Variants in RNF144B observed in about 807,000 individuals in gnomAD.
The protein encoded by RNF144B is ring finger protein 144B, also known as E3 ubiquitin-protein ligase RNF144B.
RNF144B carries 25 observed loss-of-function variants against 40.2 expected under a neutral mutation model. That is an observed-to-expected ratio of 0.62 (90% CI 0.45 to 0.87). The LOEUF (loss-of-function observed/expected upper bound fraction) is 0.87. Ranked by LOEUF, RNF144B falls within the 40% of genes least tolerant of loss-of-function variation. The pLI, the probability that RNF144B is intolerant of heterozygous loss-of-function variation, is 0.00. For missense variants in RNF144B, 365 were observed against 373.7 expected (o/e 0.98, Z 0.19); for synonymous variants, 145 against 136.3 (o/e 1.06, Z -0.44).
Position 18,457,033 on chromosome 6 carries a change from C to G in RNF144B, c.332-122C>G. ...CTGAAATCATGCCACTGTACTCCAGCCTGGGCGACAGAGTGAGACTCTGGT... is the reference window on the plus strand; with the variant it reads ...CTGAAATCATGCCACTGTACTCCAGGCTGGGCGACAGAGTGAGACTCTGGT... On this transcript the variant is annotated intron_variant, in intron 4 of 7. Coordinates refer to ENST00000259939, the MANE Select transcript of RNF144B (RefSeq NM_182757.4). The surrounding 1 kb of genome is among the most constrained non-coding windows in gnomAD (Gnocchi z 5.1). 2.4e-6 allele frequency: 2 copies of G among 837,038 alleles called. No homozygotes were observed. Among genetic ancestry groups the G allele is most frequent in the Non-Finnish European group, 4.1e-6 (2 of 491,438 alleles). 51.9% of individuals were successfully genotyped at this position (837,038 alleles called of 1,614,324 possible). A position where few individuals can be genotyped will look rare whatever the true frequency, so the allele number is the denominator to read the frequency against.
chr6:18,451,196 A>T, intron 4 of RNF144B, among the ~76,000 whole-genome samples: 1 of 152,148 alleles, frequency 6.6e-6, no homozygotes, highest in Non-Finnish European at 1.5e-5. Flanking sequence ...CATTTTAAAC[A>T]TCTATTTCCT....
rs140102762 is a variant in RNF144B, at chr6:18,445,982, GCACTC to G, written c.331+6243_331+6247del. ...AAAAAATATCCTGTGACTCCTGTGG[GCACTC>G]CACTTTGTCTCAAATTCCTTATAGG... On this transcript the variant is annotated intron_variant, in intron 4 of 7. Transcript: ENST00000259939. Among the ~76,000 whole-genome samples, 413 of 152,298 alleles carry G rather than the reference GCACTC, an allele frequency of 2.7e-3. 3 individuals carry two copies. The highest frequency in any genetic ancestry group is 9.5e-3 in the African/African-American group (393 of 41,568).
In RNF144B at chr6:18,443,859, G is replaced by A. The variant is rs1253781340; in HGVS notation, c.331+4115G>A. Among the ~76,000 whole-genome samples, 1 of 152,146 alleles carries A rather than the reference G, an allele frequency of 6.6e-6. No individual in the cohort carries two copies. The highest frequency in any genetic ancestry group is 1.5e-5 in the Non-Finnish European group (1 of 68,038). On this transcript the variant is annotated intron_variant, in intron 4 of 7. Transcript: ENST00000259939. The surrounding 1 kb of genome is among the most constrained non-coding windows in gnomAD (Gnocchi z 4.7). ...ACCATTTATAAGGGGACTTTGGGGT[G>A]CATTAAATACCCACTAATACTGTAA...
rs1333875020 is a variant in RNF144B, at chr6:18,406,697, C to A, written c.165+6998C>A. Among the ~76,000 whole-genome samples the A allele has an allele frequency of 6.6e-6, 1 of 152,098 alleles. No individual in the cohort carries two copies. The highest frequency in any genetic ancestry group is 1.5e-5 in the Non-Finnish European group (1 of 68,012). The stretch of plus-strand genomic sequence containing the variant: ...AGGCAGTCAGGCAGGGAGACGAATT[C>A]TTTCCTCCTTTTGTTCTTTTTAGGC... On this transcript the variant is annotated intron_variant, in intron 2 of 7. Coordinates refer to ENST00000259939, the MANE Select transcript of RNF144B (RefSeq NM_182757.4). This position sits in a 1 kb window ranked among gnomAD's most constrained non-coding sequence, Gnocchi z 4.2.
intron 1 of RNF144B, 39 bp downstream of exon 1, chr6:18,387,669 A>T: frequency 7.8e-7 from 1 of 1,285,974 alleles, no homozygotes; most frequent in Admixed American, 2.3e-5. Context: ...CAGGCGTTGC[A>T]AGACCGGAAT....
At position 18,458,041 on chromosome 6, in the gene RNF144B, G is replaced by A. The variant is rs1388754113; in HGVS notation, c.536+682G>A. Among the ~76,000 whole-genome samples, 2 of 151,954 alleles carry A rather than the reference G, an allele frequency of 1.3e-5. No individual in the cohort carries two copies. The highest frequency in any genetic ancestry group is 2.1e-4 in the South Asian group (1 of 4,820). On this transcript the variant is annotated intron_variant, in intron 5 of 7. Transcript: ENST00000259939. This position sits in a 1 kb window ranked among gnomAD's most constrained non-coding sequence, Gnocchi z 4.8. ...CAACCACTGCCTCCTGGGTTCAAGC[G>A]ATTCTCCTGCCTCAGCCTCCCGATT...
intron 4 of RNF144B, among the ~76,000 whole-genome samples, chr6:18,451,640 T>C (rs1330303623): frequency 6.6e-6 from 1 of 152,202 alleles, no homozygotes; most frequent in Non-Finnish European, 1.5e-5. Flanking sequence ...GGGATGTCAC[T>C]TGTAATTTTT....
At chr6:18,415,730 T>A (rs1795137095) in intron 2 of RNF144B, among the ~76,000 whole-genome samples, 3 of 152,160 alleles carry the variant, frequency 2.0e-5, no homozygotes, top group Non-Finnish European at 2.9e-5. Context: ...GGAATGTGAG[T>A]ACTCAATGTG....
Position 18,456,610 on chromosome 6 carries a change from A to C in RNF144B, c.332-545A>C, listed in dbSNP as rs142888294. Among the ~76,000 whole-genome samples, 1 of 152,230 alleles carries C rather than the reference A, an allele frequency of 6.6e-6. No individual in the cohort carries two copies. The highest frequency in any genetic ancestry group is 1.5e-5 in the Non-Finnish European group (1 of 68,038). On this transcript the variant is annotated intron_variant, in intron 4 of 7. Transcript: ENST00000259939. The surrounding 1 kb of genome is among the most constrained non-coding windows in gnomAD (Gnocchi z 4.7). ...TACAGAGAACACTTTTTATCTGTTC[A>C]TAAAGGCAATGGTAAGCTATTCTGT...
intron 4 of RNF144B, among the ~76,000 whole-genome samples, chr6:18,452,431 T>TC (rs1759229289): frequency 6.6e-6 from 1 of 152,176 alleles, no homozygotes; most frequent in African/African-American, 2.4e-5. Flanking sequence ...AGGGAATTTT[T>TC]AGGGGAGAGG....
In RNF144B at chr6:18,434,291, C is replaced by A. The variant is rs758283768; in HGVS notation, c.271-5393C>A. On this transcript the variant is annotated intron_variant, in intron 3 of 7. Coordinates refer to ENST00000259939, the MANE Select transcript of RNF144B (RefSeq NM_182757.4). The surrounding 1 kb of genome is among the most constrained non-coding windows in gnomAD (Gnocchi z 4.1). ...TAACACTTCATATGGGAACACACAC[C>A]ACTTTTGGCATAAATACTTTTGTGG... Among the ~76,000 whole-genome samples, 2 of 152,114 alleles carry A rather than the reference C, an allele frequency of 1.3e-5. No individual in the cohort carries two copies. The highest frequency in any genetic ancestry group is 2.9e-5 in the Non-Finnish European group (2 of 68,032).
rs1172660302 is a variant in RNF144B at position 18,465,040 on chromosome 6, G to A, written c.885G>A (p.Lys295=). The change falls in exon 8 of 8, where the codon AAG becomes AAA. Residue 295 remains lysine, a synonymous_variant. Transcript: ENST00000259939. ...TCTGCAAGTCCTGTCGGGGCAAGAA[G>A]AAAAAGCACGACCCATCCACAACCT... ...CCVCKSCRGK[K]KKHDPSTT 3 of 1,613,620 alleles carry A rather than the reference G, an allele frequency of 1.9e-6. No homozygotes were observed. Among genetic ancestry groups the A allele is most frequent in the Non-Finnish European group, 2.5e-6 (3 of 1,179,856 alleles).
rs768571953 is a variant in RNF144B, at chr6:18,439,735, T to C, written c.322T>C (p.Phe108Leu). ...GTTTCAACTTTATCAGAGGTTAAAA[T>C]TTGAAAGAGGTATGAACTCTTCTTT... is the stretch of plus-strand genomic sequence containing the variant. ...DQFQLYQRLK[F>L]EREVHLDPYR... The change falls in exon 4 of 8, where the codon TTT (phenylalanine) becomes CTT (leucine). Residue 108 changes from phenylalanine to leucine, a missense_variant. By Grantham distance (22) the Phe-to-Leu change is conservative. Coordinates refer to ENST00000259939, the MANE Select transcript of RNF144B (RefSeq NM_182757.4). The C allele has an allele frequency of 1.2e-6, 2 of 1,608,240 alleles. No homozygotes were observed. Among genetic ancestry groups the C allele is most frequent in the African/African-American group, 2.7e-5 (2 of 74,814 alleles).
At chr6:18,439,808 C>A (rs1246657984) in intron 4 of RNF144B, 64 bp downstream of exon 4, 50 of 1,104,958 alleles carry the variant, frequency 4.5e-5, no homozygotes, top group African/African-American at 1.2e-4. Flanking sequence ...TTTACACTAA[C>A]CCACATGGAA....
Position 18,405,267 on chromosome 6 carries a change from G to A in RNF144B, c.165+5568G>A, listed in dbSNP as rs572406698. 7.2e-5 allele frequency among the ~76,000 whole-genome samples: 11 copies of A among 151,878 alleles called. No individual in the cohort carries two copies. The highest frequency in any genetic ancestry group is 4.2e-4 in the South Asian group (2 of 4,818). ...CGGCTCACTGTAACTTCCGCCTCCC[G>A]GGTTCAAGTGGTTCTCCTGCCTCAG... On this transcript the variant is annotated intron_variant, in intron 2 of 7. Coordinates refer to ENST00000259939, the MANE Select transcript of RNF144B (RefSeq NM_182757.4). The surrounding 1 kb of genome is among the most constrained non-coding windows in gnomAD (Gnocchi z 4.5).
At position 18,458,518 on chromosome 6, in the gene RNF144B, G is replaced by A. The variant is rs757293517; in HGVS notation, c.537-1089G>A. Among the ~76,000 whole-genome samples, 14 of 152,116 alleles carry A rather than the reference G, an allele frequency of 9.2e-5. No homozygotes were observed. Among genetic ancestry groups the A allele is most frequent in the Non-Finnish European group, 1.9e-4 (13 of 68,030 alleles). Reference sequence around the variant, plus strand: ...ATGGCAGGCATGTGCCCTCTTAGCCGGATTCAAACCACTGTTGCCTACATT... The same window carrying A: ...ATGGCAGGCATGTGCCCTCTTAGCCAGATTCAAACCACTGTTGCCTACATT... On this transcript the variant is annotated intron_variant, in intron 5 of 7. Transcript: ENST00000259939. The surrounding 1 kb of genome is among the most constrained non-coding windows in gnomAD (Gnocchi z 4.8).
Position 18,457,350 on chromosome 6 carries a change from C to G in RNF144B, c.527C>G (p.Thr176Arg). The change falls in exon 5 of 8, where the codon ACA becomes AGA. Residue 176 changes from threonine to arginine, a missense_variant. Physicochemically the swap from Thr to Arg is moderately conservative, Grantham distance 71 (BLOSUM62 -1). Transcript: ENST00000259939. The surrounding 1 kb of genome is among the most constrained non-coding windows in gnomAD (Gnocchi z 5.1). ...GACAGTCAGCCTATTGTCCTGCCAA[C>G]AGAGCACCGGTAAGAAAGGAAACTT... is the stretch of plus-strand genomic sequence containing the variant. ...CRDSQPIVLP[T>R]EHRALFGTDA... The G allele has an allele frequency of 1.2e-6, 2 of 1,612,870 alleles. No homozygotes were observed. The highest frequency in any genetic ancestry group is 1.7e-6 in the Non-Finnish European group (2 of 1,178,814).
At chr6:18,437,927 G>T (rs866609910) in intron 3 of RNF144B, among the ~76,000 whole-genome samples, 2 of 152,100 alleles carry the variant, frequency 1.3e-5, no homozygotes, top group Admixed American at 6.6e-5. Context: ...TGACTTTGAA[G>T]GATTTAAAAG....
rs879580158 is a variant in RNF144B at position 18,406,642 on chromosome 6, G to A, written c.165+6943G>A. On this transcript the variant is annotated intron_variant, in intron 2 of 7. Transcript: ENST00000259939. The surrounding 1 kb of genome is among the most constrained non-coding windows in gnomAD (Gnocchi z 4.2). Reference sequence around the variant, plus strand: ...GAGCCAGTGGTATAAGTCCCAGTCCGAGGGCAGGAGAAAACTGATGTCCCA... The same window carrying A: ...GAGCCAGTGGTATAAGTCCCAGTCCAAGGGCAGGAGAAAACTGATGTCCCA... Among the ~76,000 whole-genome samples, 2 of 152,098 alleles carry A rather than the reference G, an allele frequency of 1.3e-5. No homozygotes were observed. Among genetic ancestry groups the A allele is most frequent in the Admixed American group, 1.3e-4 (2 of 15,272 alleles).
Sources: allele counts gnomAD v4.1 joint callset (sites outside exome capture counted in the v4.1 genomes callset), GRCh38; gene constraint gnomAD v4.1.1; non-coding constraint Gnocchi (gnomAD v3.1); transcripts MANE v1.5; gene names NCBI Gene and HGNC (gene_info 2026-07-23, HGNC 2026-07-21).